TFDP2: variants seen among roughly 807,000 people sequenced by gnomAD.
TFDP2 encodes transcription factor Dp-2 (E2F dimerization partner 2).
A neutral mutation model predicts 59.3 loss-of-function variants in TFDP2; 17 were observed. The observed-to-expected ratio is 0.29, with a 90% CI of 0.20 to 0.43. The LOEUF (loss-of-function observed/expected upper bound fraction) is 0.43. Ranked by LOEUF, TFDP2 falls within the 20% of genes least tolerant of loss-of-function variation. The pLI, the probability that TFDP2 is intolerant of heterozygous loss-of-function variation, is 1.00. For missense variants in TFDP2, 391 were observed against 528.8 expected (o/e 0.74, Z 2.56); for synonymous variants, 180 against 194.7 (o/e 0.92, Z 0.63).
chr3:141,961,233 T>TG (rs933387461), intron 10 of TFDP2, among the ~76,000 whole-genome samples: 2 of 148,476 alleles, frequency 1.3e-5, no homozygotes, highest in Non-Finnish European at 3.0e-5. Context: ...CTCAGTTTTT[T>TG]GTTGTTTTTT....
intron 3 of TFDP2, chr3:142,043,940 C>G: frequency 1.2e-6 from 1 of 800,904 alleles, no homozygotes; most frequent in Admixed American, 1.7e-5. Context: ...GGCATTCGCG[C>G]ATTGGCTGTA....
At chr3:142,139,623 T>C (rs980924361) in intron 1 of TFDP2, among the ~76,000 whole-genome samples, 40 of 152,348 alleles carry the variant, frequency 2.6e-4, no homozygotes, top group African/African-American at 9.4e-4. Flanking sequence ...CCTTCACTTA[T>C]GAAGCTTAGT....
intron 1 of TFDP2, among the ~76,000 whole-genome samples, chr3:142,115,069 A>G (rs558999643): frequency 6.8e-4 from 103 of 152,188 alleles, no homozygotes; most frequent in African/African-American, 2.3e-3. Context: ...CTGCCCCTCC[A>G]CTTCCACTAC....
intron 8 of TFDP2, among the ~76,000 whole-genome samples, chr3:141,971,340 C>T (rs1939701488): frequency 7.2e-6 from 1 of 139,546 alleles, no homozygotes; most frequent in African/African-American, 2.9e-5. Context: ...GCCAAGAGAC[C>T]AGCCTGGCCA....
Position 141,959,732 on chromosome 3 carries a change from C to T in TFDP2, c.993G>A (p.Leu331=), listed in dbSNP as rs773161250. The T allele has an allele frequency of 6.2e-7, 1 of 1,614,152 alleles. No individual in the cohort carries two copies. The highest frequency in any genetic ancestry group is 8.5e-7 in the Non-Finnish European group (1 of 1,180,026). ...SFGLESGKCS[L]EDLKLAKSLV... ...GGGATTTCGCAAGTTTCAGATCCTC[C>T]AGAGAGCATTTGCCTGACTCCAGGC... is the stretch of plus-strand genomic sequence containing the variant. The change falls in exon 11 of 13, where the codon CTG becomes CTA. Residue 331 remains leucine (L), a synonymous_variant. Transcript: ENST00000489671.
intron 1 of TFDP2, among the ~76,000 whole-genome samples, chr3:142,106,540 C>A (rs1178333582): frequency 6.6e-6 from 1 of 152,168 alleles, no homozygotes; most frequent in East Asian, 1.9e-4. Context: ...AAATTTGGCA[C>A]AGAAAGGTTC....
At chr3:142,046,083 G>A (rs1448047262) in intron 3 of TFDP2, among the ~76,000 whole-genome samples, 3 of 152,090 alleles carry the variant, frequency 2.0e-5, no homozygotes, top group Non-Finnish European at 4.4e-5. Flanking sequence ...AGTTTGTCAT[G>A]ACTTAAAGTC....
intron 6 of TFDP2, among the ~76,000 whole-genome samples, chr3:141,990,922 G>C (rs1321335586): frequency 1.3e-5 from 2 of 152,104 alleles, no homozygotes; most frequent in Non-Finnish European, 2.9e-5. Context: ...GCCGGGCATG[G>C]TGGCACACGC....
At chr3:141,982,985 T>C (rs1409103550) in intron 6 of TFDP2, among the ~76,000 whole-genome samples, 1 of 152,160 alleles carries the variant, frequency 6.6e-6, no homozygotes, top group Non-Finnish European at 1.5e-5. Flanking sequence ...GAGGATGAAA[T>C]GCATATAACA....
At chr3:142,058,955 C>A (rs2059829741) in intron 3 of TFDP2, among the ~76,000 whole-genome samples, 1 of 152,136 alleles carries the variant, frequency 6.6e-6, no homozygotes, top group African/African-American at 2.4e-5. Flanking sequence ...CAGCCCCCAT[C>A]CTAAAGCTAT....
At chr3:141,976,097 T>C (rs980384558) in intron 7 of TFDP2, among the ~76,000 whole-genome samples, 15 of 152,056 alleles carry the variant, frequency 9.9e-5, no homozygotes, top group African/African-American at 3.6e-4. Flanking sequence ...GCCAGGCTGG[T>C]CTCCAACTCC....
At chr3:142,009,744 G>T (rs1297736908) in intron 3 of TFDP2, among the ~76,000 whole-genome samples, 1 of 149,230 alleles carries the variant, frequency 6.7e-6, no homozygotes, top group African/African-American at 2.5e-5. Flanking sequence ...AAAAGAAAAA[G>T]AAATTGACAA....
chr3:142,006,534 T>A (rs1026738689), intron 3 of TFDP2, among the ~76,000 whole-genome samples: 4 of 149,204 alleles, frequency 2.7e-5, no homozygotes, highest in Admixed American at 2.0e-4. Flanking sequence ...AGTGATGCAA[T>A]CACAGGTCAC....
intron 7 of TFDP2, among the ~76,000 whole-genome samples, chr3:141,977,752 C>A (rs1940914109): frequency 6.6e-6 from 1 of 151,824 alleles, no homozygotes; most frequent in Non-Finnish European, 1.5e-5. Flanking sequence ...ACTCTGTCGC[C>A]CAGGCTGGAG....
chr3:142,059,645 T>C (rs1034292883), intron 3 of TFDP2, among the ~76,000 whole-genome samples: 2 of 152,048 alleles, frequency 1.3e-5, no homozygotes, highest in Admixed American at 6.5e-5. Context: ...AATGGTGTAA[T>C]CTCGGCTCAC....
chr3:142,117,586 G>C (rs138042734), intron 1 of TFDP2, among the ~76,000 whole-genome samples: 306 of 152,238 alleles, frequency 2.0e-3, no homozygotes, highest in African/African-American at 7.2e-3. Context: ...CCCAGAAAGA[G>C]AGTTAAACAA....
At chr3:141,956,870 A>T (rs1936739240) in intron 11 of TFDP2, among the ~76,000 whole-genome samples, 1 of 151,588 alleles carries the variant, frequency 6.6e-6, no homozygotes, top group African/African-American at 2.4e-5. Flanking sequence ...GGCTGCAGTG[A>T]GCAGAGATTG....
chr3:142,053,135 C>A (rs1947730137), intron 3 of TFDP2, among the ~76,000 whole-genome samples: 1 of 152,178 alleles, frequency 6.6e-6, no homozygotes, highest in Non-Finnish European at 1.5e-5. Context: ...ATACAAAGAA[C>A]CACAAACTAT....
At chr3:142,029,876 T>C (rs1035108058) in intron 3 of TFDP2, among the ~76,000 whole-genome samples, 3 of 152,248 alleles carry the variant, frequency 2.0e-5, no homozygotes, top group African/African-American at 4.8e-5. Context: ...AAAAAATCTC[T>C]GTCTTTCGTG....
Sources: gnomAD v4.1 joint callset for allele counts (sites outside exome capture counted in the v4.1 genomes callset) on GRCh38, gnomAD v4.1.1 for gene constraint, MANE v1.5 for transcripts, NCBI Gene and HGNC (gene_info 2026-07-23, HGNC 2026-07-21) for gene names.